Variants in ADAM9 observed in about 807,000 individuals in gnomAD.
ADAM9 encodes ADAM metallopeptidase domain 9.
A neutral mutation model predicts 108.1 loss-of-function variants in ADAM9; 54 were observed. The ratio of observed to expected loss-of-function variants is 0.50; its 90% CI spans 0.40 to 0.63. The LOEUF (loss-of-function observed/expected upper bound fraction) is 0.63, where lower values mean the gene tolerates loss of function less well. Among genes scored for constraint, ADAM9 ranks in the 20% least tolerant of loss-of-function variants. The pLI, the probability that ADAM9 is intolerant of heterozygous loss-of-function variation, is 0.00. For missense variants in ADAM9, 830 were observed against 997.7 expected (o/e 0.83, Z 2.26); for synonymous variants, 316 against 336.0 (o/e 0.94, Z 0.65).
At chr8:39,023,899 C>G (rs1006769954) in intron 9 of ADAM9, among the ~76,000 whole-genome samples, 1 of 151,746 alleles carries the variant, frequency 6.6e-6, no homozygotes, top group South Asian at 2.1e-4. Flanking sequence ...GGTGCCTGCC[C>G]CCACACCTGG....
intron 11 of ADAM9, among the ~76,000 whole-genome samples, chr8:39,036,109 T>C (rs1467418677): frequency 5.3e-5 from 8 of 152,130 alleles, no homozygotes; most frequent in African/African-American, 1.9e-4. Flanking sequence ...GCCAGTTCCA[T>C]TTAATAAAAT....
At chr8:39,023,760 TTTTG>T (rs1242968399) in intron 9 of ADAM9, among the ~76,000 whole-genome samples, 1 of 145,596 alleles carries the variant, frequency 6.9e-6, no homozygotes, top group Non-Finnish European at 1.5e-5. Flanking sequence ...TTTTTTTTTT[TTTTG>T]GAGACAGAGT....
intron 5 of ADAM9, 35 bp downstream of exon 5, chr8:39,016,229 TC>T (rs908789637): frequency 1.3e-6 from 2 of 1,544,334 alleles, no homozygotes; most frequent in Non-Finnish European, 1.8e-6. Context: ...TTTTTTTGTT[TC>T]CCCTATGTCT....
chr8:39,019,321 A>C (rs1836656802), intron 7 of ADAM9, among the ~76,000 whole-genome samples: 1 of 152,180 alleles, frequency 6.6e-6, no homozygotes, highest in Non-Finnish European at 1.5e-5. Context: ...CCTATATTGC[A>C]CTTTGAGAGA....
At chr8:39,068,656 CAA>C (rs1483392599) in intron 14 of ADAM9, among the ~76,000 whole-genome samples, 1 of 98,302 alleles carries the variant, frequency 1.0e-5, no homozygotes, top group Non-Finnish European at 1.9e-5. Flanking sequence ...GCCCGAGTGA[CAA>C]GAGTGAAACT....
In ADAM9 at chr8:39,017,321, G is replaced by A. The variant is rs367887367; in HGVS notation, c.513G>A (p.Glu171=). ...IIYRMDDVYK[E]PLKCGVSNKD... ...ATCGAATGGATGATGTCTACAAAGA[G>A]CCTCTGAAATGTGGAGTTTCCAACA... The change falls in exon 6 of 22, where the codon GAG becomes GAA. Residue 171 remains glutamate (E), a synonymous_variant. Transcript: ENST00000487273. The A allele has an allele frequency of 1.2e-6, 2 of 1,614,142 alleles. No individual in the cohort carries two copies. The highest frequency in any genetic ancestry group is 3.3e-5 in the Admixed American group (2 of 60,012).
rs1836564169 is a variant in ADAM9 at position 39,017,260 on chromosome 8, C to A, written c.452C>A (p.Pro151His). The A allele has an allele frequency of 6.2e-7, 1 of 1,613,920 alleles. No homozygotes were observed. Among genetic ancestry groups the A allele is most frequent in the African/African-American group, 1.3e-5 (1 of 74,848 alleles). The change falls in exon 6 of 22, where the codon CCC becomes CAC. Residue 151 changes from proline to histidine, a missense_variant. Physicochemically the swap from Pro to His is moderately conservative, Grantham distance 77. Transcript: ENST00000487273. ...HLENASYGIEPLQNSSHFEHI... is the reference protein window; with the variant it reads ...HLENASYGIEHLQNSSHFEHI... ...GAGAATGCGAGTTATGGGATTGAAC[C>A]CCTGCAGAACAGCTCTCATTTTGAG...
intron 14 of ADAM9, among the ~76,000 whole-genome samples, chr8:39,068,299 C>T (rs1838556279): frequency 6.6e-6 from 1 of 151,984 alleles, no homozygotes; most frequent in African/African-American, 2.4e-5. Context: ...AATGGAAAAT[C>T]CACATCTTTA....
rs1354034713 is a variant in ADAM9 at position 39,045,568 on chromosome 8, G to GTATATATA, written c.1302+3452_1302+3453insATATATAT. Among the ~76,000 whole-genome samples the GTATATATA allele has an allele frequency of 1.4e-3, 195 of 139,298 alleles. 2 individuals are homozygous for GTATATATA. Among genetic ancestry groups the GTATATATA allele is most frequent in the African/African-American group, 4.2e-3 (161 of 37,996 alleles). 91.4% of individuals were successfully genotyped at this position (139,298 alleles called of 152,430 possible). A position where few individuals can be genotyped will look rare whatever the true frequency, so the allele number is the denominator to read the frequency against. On this transcript the variant is annotated intron_variant, in intron 12 of 21. Coordinates refer to ENST00000487273, the MANE Select transcript of ADAM9 (RefSeq NM_003816.3). ...TATGTGTGTGTGTATATGTGTGTGT[G>GTATATATA]TGTATATATATATATATATAAAAGA...
chr8:39,036,810 C>G (rs1167891304), intron 11 of ADAM9, among the ~76,000 whole-genome samples: 7 of 151,736 alleles, frequency 4.6e-5, no homozygotes, highest in Non-Finnish European at 1.0e-4. Flanking sequence ...AAAAGCACCA[C>G]AAGTGTCTAT....
intron 2 of ADAM9, among the ~76,000 whole-genome samples, chr8:39,009,905 G>GGGCA (rs1554572459): frequency 3.2e-5 from 2 of 62,968 alleles, no homozygotes; most frequent in African/African-American, 1.0e-4. Context: ...TGGGGGGGGG[G>GGGCA]GGCAGGGAGA....
intron 12 of ADAM9, among the ~76,000 whole-genome samples, chr8:39,045,234 ATG>A (rs1464438981): frequency 6.8e-6 from 1 of 146,476 alleles, no homozygotes; most frequent in Non-Finnish European, 1.5e-5. Flanking sequence ...ATGTGTATAT[ATG>A]TGTATACATA....
At chr8:39,092,803 A>G (rs1017876626) in intron 20 of ADAM9, among the ~76,000 whole-genome samples, 1 of 152,186 alleles carries the variant, frequency 6.6e-6, no homozygotes, top group East Asian at 1.9e-4. Context: ...ATGAAATACC[A>G]GTTCATTTTC....
In ADAM9 at chr8:39,016,213, C is replaced by T; in HGVS notation, c.410+19C>T. 1 of 1,604,200 alleles carries T rather than the reference C, an allele frequency of 6.2e-7. No individual in the cohort carries two copies. Among genetic ancestry groups the T allele is most frequent in the Non-Finnish European group, 8.5e-7 (1 of 1,171,282 alleles). ...GACTCAGGTAAGCAATTTCCTTTAT[C>T]TTCTTTTTTTTTGTTTCCCCTATGT... On this transcript the variant is annotated intron_variant, in intron 5 of 21. Transcript: ENST00000487273.
At chr8:39,001,451 C>T (rs1274491962) in intron 1 of ADAM9, among the ~76,000 whole-genome samples, 1 of 152,188 alleles carries the variant, frequency 6.6e-6, no homozygotes, top group Non-Finnish European at 1.5e-5. Flanking sequence ...CGTCCTTGAT[C>T]TCAAAGAACT....
chr8:39,075,860 TGAA>T (rs1564355974), intron 15 of ADAM9: 1 of 152,200 alleles, frequency 6.6e-6, no homozygotes, highest in Admixed American at 6.5e-5. Context: ...TTTTTTCAGC[TGAA>T]GAAACTGAAG....
At chr8:39,096,902 CT>C (rs1267273252) in intron 20 of ADAM9, among the ~76,000 whole-genome samples, 1 of 152,030 alleles carries the variant, frequency 6.6e-6, no homozygotes, top group Non-Finnish European at 1.5e-5. Flanking sequence ...TTCCTGATTT[CT>C]TTTAGTTGTC....
intron 20 of ADAM9, among the ~76,000 whole-genome samples, chr8:39,094,976 G>C (rs962002872): frequency 2.0e-5 from 3 of 151,862 alleles, no homozygotes; most frequent in Non-Finnish European, 4.4e-5. Context: ...TCTTTTTCTA[G>C]GTCTTGAGGT....
At chr8:39,037,456 G>T (rs1181752635) in intron 11 of ADAM9, among the ~76,000 whole-genome samples, 6 of 126,066 alleles carry the variant, frequency 4.8e-5, no homozygotes, top group African/African-American at 1.8e-4. Context: ...GTGTGTGTGT[G>T]TGTTTTTTTT....
Sources: gnomAD v4.1 joint callset for allele counts (sites outside exome capture counted in the v4.1 genomes callset) on GRCh38, gnomAD v4.1.1 for gene constraint, MANE v1.5 for transcripts, NCBI Gene and HGNC (gene_info 2026-07-23, HGNC 2026-07-21) for gene names.